Variants in PTPRG observed in about 807,000 individuals in gnomAD.
The protein encoded by PTPRG is receptor-type tyrosine-protein phosphatase gamma.
PTPRG carries 102 observed loss-of-function variants against 165.3 expected under a neutral mutation model. The ratio of observed to expected loss-of-function variants is 0.62; its 90% confidence interval spans 0.53 to 0.73. The LOEUF is 0.73. Ranked by LOEUF, PTPRG falls within the 30% of genes least tolerant of loss-of-function variation. The probability of loss-of-function intolerance (pLI) is 0.00; values close to 1 mark genes in which losing one functional copy is unlikely to be tolerated. For synonymous variants in PTPRG, 675 were observed against 669.5 expected, an observed-to-expected ratio of 1.01 and a Z score of -0.13; for missense variants, 1,866 against 1,861.4, an observed-to-expected ratio of 1.00 and a Z score of -0.05.
chr3:62,236,993 G>C (rs1468047058), intron 14 of PTPRG, among the ~76,000 whole-genome samples: 1 of 152,080 alleles, frequency 6.6e-6, no homozygotes, highest in African/African-American at 2.4e-5. Flanking sequence ...TTGTTTGTTT[G>C]TTTGTTAATA....
intron 21 of PTPRG, 43 bp from the exon 22 acceptor site, chr3:62,272,903 T>C: frequency 6.6e-7 from 1 of 1,521,976 alleles, no homozygotes; most frequent in Non-Finnish European, 8.8e-7. Context: ...GTTAACAGTA[T>C]GATAAAACAA....
intron 5 of PTPRG, among the ~76,000 whole-genome samples, chr3:62,116,967 A>G (rs1702890019): frequency 6.6e-6 from 1 of 152,224 alleles, no homozygotes; most frequent in Non-Finnish European, 1.5e-5. Flanking sequence ...AAATAATTTT[A>G]AAGGTTCACA....
At chr3:62,130,027 A>G (rs114081780) in intron 5 of PTPRG, among the ~76,000 whole-genome samples, 3,900 of 152,324 alleles carry the variant, frequency 0.026, 65 homozygotes, top group Middle Eastern at 0.078. Context: ...CTAATGGCTA[A>G]ATTTTGCTGT....
chr3:61,766,866 C>T (rs1048683134), intron 2 of PTPRG, among the ~76,000 whole-genome samples: 9 of 151,886 alleles, frequency 5.9e-5, no homozygotes, highest in African/African-American at 2.2e-4. Context: ...ATGATCTGCA[C>T]ACCTTGGCCT....
chr3:61,574,723 A>G (rs1700137492), intron 1 of PTPRG, among the ~76,000 whole-genome samples: 1 of 152,214 alleles, frequency 6.6e-6, no homozygotes, highest in South Asian at 2.1e-4. Flanking sequence ...TTACAGTTTT[A>G]CAGGCTGGGA....
intron 1 of PTPRG, among the ~76,000 whole-genome samples, chr3:61,697,919 C>A (rs1228594332): frequency 2.6e-5 from 4 of 152,112 alleles, no homozygotes; most frequent in African/African-American, 9.7e-5. Context: ...TTCTTTTTAT[C>A]CCTACAACAC....
At chr3:61,624,761 T>C (rs1334866149) in intron 1 of PTPRG, among the ~76,000 whole-genome samples, 1 of 151,558 alleles carries the variant, frequency 6.6e-6, no homozygotes, top group East Asian at 1.9e-4. Flanking sequence ...TACACAGTAC[T>C]TACCACTGTG....
chr3:61,593,207 C>T (rs1485959317), intron 1 of PTPRG, among the ~76,000 whole-genome samples: 1 of 152,104 alleles, frequency 6.6e-6, no homozygotes, highest in Non-Finnish European at 1.5e-5. Context: ...ATATCCATCT[C>T]TTCTTCATGG....
At chr3:61,932,373 T>C (rs763634456) in intron 2 of PTPRG, among the ~76,000 whole-genome samples, 2 of 152,152 alleles carry the variant, frequency 1.3e-5, no homozygotes, top group African/African-American at 4.8e-5. Flanking sequence ...TCACAAATAG[T>C]GTGATTATTT....
intron 2 of PTPRG, among the ~76,000 whole-genome samples, chr3:61,942,355 G>A (rs2039652155): frequency 6.6e-6 from 1 of 152,098 alleles, no homozygotes; most frequent in Non-Finnish European, 1.5e-5. Context: ...AGAGTTAAGA[G>A]GAAGTGAAAT....
chr3:61,600,192 A>ATATGTG (rs1279672354), intron 1 of PTPRG, among the ~76,000 whole-genome samples: 1 of 106,636 alleles, frequency 9.4e-6, no homozygotes, highest in Non-Finnish European at 1.9e-5. Flanking sequence ...ATATATATAT[A>ATATGTG]TGTGTGTGTG....
intron 1 of PTPRG, among the ~76,000 whole-genome samples, chr3:61,563,180 T>TTCG: frequency 6.6e-6 from 1 of 151,076 alleles, no homozygotes; most frequent in African/African-American, 2.4e-5. Context: ...GCGGCCGGGT[T>TTCG]GCTGTTCGCG....
intron 1 of PTPRG, among the ~76,000 whole-genome samples, chr3:61,684,777 A>G (rs192889481): frequency 6.6e-6 from 1 of 152,202 alleles, no homozygotes; most frequent in Non-Finnish European, 1.5e-5. Flanking sequence ...TGAGATTCCA[A>G]GGTACTTGGA....
Position 62,255,666 on chromosome 3 carries a change from G to A in PTPRG, c.2559+451G>A, listed in dbSNP as rs542505187. On this transcript the variant is annotated intron_variant, in intron 16 of 29. Transcript: ENST00000474889. This position sits in a 1 kb window ranked among gnomAD's most constrained non-coding sequence, Gnocchi z 4.0. Reference sequence around the variant, plus strand: ...ATCCTCAGACCAATCACCTCATCTCGGATCCCCAGTTTTCCCATTTTTGAA... The same window carrying A: ...ATCCTCAGACCAATCACCTCATCTCAGATCCCCAGTTTTCCCATTTTTGAA... Among the ~76,000 whole-genome samples the A allele has an allele frequency of 1.3e-3, 198 of 152,160 alleles. 1 individual carries two copies. Among genetic ancestry groups the A allele is most frequent in the East Asian group, 9.7e-4 (5 of 5,158 alleles).
chr3:61,877,808 G>C (rs1418361792), intron 2 of PTPRG, among the ~76,000 whole-genome samples: 1 of 149,664 alleles, frequency 6.7e-6, no homozygotes, highest in Non-Finnish European at 1.5e-5. Context: ...TGAACAAACT[G>C]TGTGTGTTGT....
chr3:61,977,754 C>G (rs546177060), intron 2 of PTPRG, among the ~76,000 whole-genome samples: 31 of 152,214 alleles, frequency 2.0e-4, no homozygotes, highest in African/African-American at 7.2e-4. Context: ...TATTTCCTCT[C>G]CCTGTGTTAA....
intron 2 of PTPRG, among the ~76,000 whole-genome samples, chr3:61,762,769 C>T (rs546308518): frequency 3.3e-5 from 5 of 152,222 alleles, no homozygotes; most frequent in Middle Eastern, 3.4e-3. Context: ...CTGGCCTAAG[C>T]GTAAGGGCAG....
At chr3:61,664,890 A>C (rs1702765614) in intron 1 of PTPRG, among the ~76,000 whole-genome samples, 1 of 152,216 alleles carries the variant, frequency 6.6e-6, no homozygotes, top group Non-Finnish European at 1.5e-5. Context: ...GATATTGAGT[A>C]GTAGGAAGTT....
At position 62,214,262 on chromosome 3, in the gene PTPRG, G is replaced by A. The variant is rs1405373957; in HGVS notation, c.2156-4589G>A. ...TCCTGCTGCTGTGTGAGGGTGCTGA[G>A]GAAGAGAGTGGTGGTGATGATAAGT... On this transcript the variant is annotated intron_variant, in intron 12 of 29. Transcript: ENST00000474889. This position sits in a 1 kb window ranked among gnomAD's most constrained non-coding sequence, Gnocchi z 5.2. Among the ~76,000 whole-genome samples, 1 of 152,230 alleles carries A rather than the reference G, an allele frequency of 6.6e-6. No homozygotes were observed. The highest frequency in any genetic ancestry group is 1.9e-4 in the East Asian group (1 of 5,184).
Sources: gnomAD v4.1 joint callset for allele counts (sites outside exome capture counted in the v4.1 genomes callset) on GRCh38, gnomAD v4.1.1 for gene constraint, Gnocchi (gnomAD v3.1) non-coding constraint, MANE v1.5 for transcripts, NCBI Gene and HGNC (gene_info 2026-07-23, HGNC 2026-07-21) for gene names.